Variants in KIAA1549L observed in about 807,000 individuals in gnomAD.
The protein encoded by KIAA1549L is UPF0606 protein KIAA1549L.
In KIAA1549L, 88 loss-of-function variants were observed where a neutral mutation model predicts 160.7. That is an observed-to-expected ratio of 0.55 (90% CI 0.46 to 0.65). The LOEUF is 0.65. Among genes scored for constraint, KIAA1549L ranks in the 30% least tolerant of loss-of-function variants. The pLI, the probability that KIAA1549L is intolerant of heterozygous loss-of-function variation, is 0.00. For synonymous variants in KIAA1549L, 950 were observed against 976.7 expected, an observed-to-expected ratio of 0.97 and a Z score of 0.51; for missense variants, 2,258 against 2,437.5, an observed-to-expected ratio of 0.93 and a Z score of 1.55.
At chr11:33,539,448 C>T (rs1159839684) in intron 1 of KIAA1549L, among the ~76,000 whole-genome samples, 1 of 152,182 alleles carries the variant, frequency 6.6e-6, no homozygotes, top group Non-Finnish European at 1.5e-5. Flanking sequence ...CAATGACAAC[C>T]TCCAAATTGC....
chr11:33,490,725 AG>A (rs1565156970), intron 1 of KIAA1549L, among the ~76,000 whole-genome samples: 2 of 152,198 alleles, frequency 1.3e-5, no homozygotes, highest in African/African-American at 4.8e-5. Flanking sequence ...AGCTGCAGTT[AG>A]AAATGTTAGC....
chr11:33,448,821 G>A (rs1342932191), intron 1 of KIAA1549L, among the ~76,000 whole-genome samples: 2 of 152,158 alleles, frequency 1.3e-5, no homozygotes. Context: ...TTATGTTCAG[G>A]TAATCTGAAA....
intron 1 of KIAA1549L, among the ~76,000 whole-genome samples, chr11:33,435,792 AT>A (rs1471257165): frequency 0.063 from 823 of 12,968 alleles, 34 homozygotes; most frequent in East Asian, 0.18. Flanking sequence ...ATATATATAT[AT>A]ATATATATAT....
chr11:33,593,523 C>T (rs1006628693), intron 12 of KIAA1549L, among the ~76,000 whole-genome samples: 1 of 152,210 alleles, frequency 6.6e-6, no homozygotes, highest in Non-Finnish European at 1.5e-5. Flanking sequence ...AGAGTGGATG[C>T]AGGGAGACCC....
intron 10 of KIAA1549L, 106 bp from the exon 11 acceptor site, chr11:33,583,232 C>T (rs531330605): frequency 1.3e-4 from 138 of 1,079,908 alleles, no homozygotes; most frequent in Non-Finnish European, 1.6e-4. Flanking sequence ...TAACCTCCCA[C>T]GTCCTTCTGT....
intron 1 of KIAA1549L, among the ~76,000 whole-genome samples, chr11:33,381,266 G>A (rs1257415025): frequency 6.6e-6 from 1 of 152,166 alleles, no homozygotes; most frequent in Non-Finnish European, 1.5e-5. Context: ...GTGATGGTAA[G>A]CTCTATGGAG....
chr11:33,484,182 T>C (rs1186662171), intron 1 of KIAA1549L, among the ~76,000 whole-genome samples: 2 of 152,238 alleles, frequency 1.3e-5, no homozygotes, highest in Non-Finnish European at 2.9e-5. Flanking sequence ...GATCTGTTCT[T>C]GAATTTCAAG....
intron 12 of KIAA1549L, among the ~76,000 whole-genome samples, chr11:33,592,177 G>T (rs1205902224): frequency 1.3e-5 from 2 of 152,188 alleles, no homozygotes; most frequent in African/African-American, 4.8e-5. Context: ...ATAGTGGCTG[G>T]ATGTAGTGAA....
At chr11:33,523,770 T>C (rs542013869) in intron 1 of KIAA1549L, among the ~76,000 whole-genome samples, 1 of 152,338 alleles carries the variant, frequency 6.6e-6, no homozygotes, top group East Asian at 1.9e-4. Context: ...ACGTATTAAT[T>C]GACAATTTAT....
chr11:33,530,414 G>GAAAAAAAA (rs71457306), intron 1 of KIAA1549L, among the ~76,000 whole-genome samples: 3 of 16,568 alleles, frequency 1.8e-4, no homozygotes, highest in Non-Finnish European at 2.3e-4. Flanking sequence ...GAAGAAGAAG[G>GAAAAAAAA]AAAAAAAAAA....
At chr11:33,643,134 C>T (rs1172878004) in intron 16 of KIAA1549L, among the ~76,000 whole-genome samples, 2 of 152,118 alleles carry the variant, frequency 1.3e-5, no homozygotes, top group Non-Finnish European at 2.9e-5. Context: ...AGGGAACTCC[C>T]CATGCAGAAT....
intron 1 of KIAA1549L, among the ~76,000 whole-genome samples, chr11:33,498,540 C>T (rs1181649009): frequency 1.3e-5 from 2 of 152,198 alleles, no homozygotes; most frequent in Admixed American, 1.3e-4. Flanking sequence ...CTTAGCTTTC[C>T]TCATAGCATG....
At chr11:33,489,399 C>A (rs920461917) in intron 1 of KIAA1549L, among the ~76,000 whole-genome samples, 2 of 152,162 alleles carry the variant, frequency 1.3e-5, no homozygotes, top group African/African-American at 4.8e-5. Context: ...ACCCTGGTGT[C>A]CTAATCTAAT....
At position 33,401,493 on chromosome 11, in the gene KIAA1549L, A is replaced by C. The variant is rs555507278; in HGVS notation, c.238+24604A>C. On this transcript the variant is annotated intron_variant, in intron 1 of 20. Coordinates refer to ENST00000658780, the MANE Select transcript of KIAA1549L (RefSeq NM_012194.3). Reference sequence around the variant, plus strand: ...TAACCTCCCTCCAGACACCCAGTCCACCTTAGATGGCTTTTGTGGTACCTT... The same window carrying C: ...TAACCTCCCTCCAGACACCCAGTCCCCCTTAGATGGCTTTTGTGGTACCTT... Among the ~76,000 whole-genome samples the C allele has an allele frequency of 1.1e-3, 160 of 151,450 alleles. 3 individuals carry two copies. The South Asian group carries it at 0.029, about 28-fold the overall frequency.
intron 16 of KIAA1549L, among the ~76,000 whole-genome samples, chr11:33,631,753 G>T (rs1590418136): frequency 6.6e-6 from 1 of 152,106 alleles, no homozygotes; most frequent in East Asian, 1.9e-4. Flanking sequence ...CCCAATCAAA[G>T]CCTTCACCTC....
chr11:33,523,345 C>T (rs73488985), intron 1 of KIAA1549L, among the ~76,000 whole-genome samples: 5,984 of 152,258 alleles, frequency 0.039, 375 homozygotes, highest in African/African-American at 0.14. Flanking sequence ...TTAGTGTATG[C>T]GTATGCCCTG....
chr11:33,422,799 A>C (rs1851044907), intron 1 of KIAA1549L, among the ~76,000 whole-genome samples: 1 of 152,088 alleles, frequency 6.6e-6, no homozygotes, highest in South Asian at 2.1e-4. Flanking sequence ...AAAGAAAAAA[A>C]AGGAAGGCTT....
chr11:33,644,077 C>T (rs139920006), intron 16 of KIAA1549L, among the ~76,000 whole-genome samples: 6 of 152,306 alleles, frequency 3.9e-5, no homozygotes, highest in African/African-American at 1.4e-4. Flanking sequence ...ACTTTACATT[C>T]TACTCCAGAA....
At chr11:33,463,056 C>T (rs865986830) in intron 1 of KIAA1549L, among the ~76,000 whole-genome samples, 15 of 152,042 alleles carry the variant, frequency 9.9e-5, no homozygotes, top group Admixed American at 5.2e-4. Flanking sequence ...CTTGAACTCC[C>T]GGGCTCAAGT....
Sources: gnomAD v4.1 joint callset for allele counts (sites outside exome capture counted in the v4.1 genomes callset) on GRCh38, gnomAD v4.1.1 for gene constraint, MANE v1.5 for transcripts, NCBI Gene and HGNC (gene_info 2026-07-23, HGNC 2026-07-21) for gene names.